The following CNTNAP2 variants were observed in gnomAD, a reference collection of about 807,000 sequenced individuals.
CNTNAP2 encodes contactin-associated protein-like 2.
Under a neutral mutation model 155.2 loss-of-function variants are expected in CNTNAP2, and 98 were observed. That is an observed-to-expected ratio of 0.63 (90% CI 0.54 to 0.75). The LOEUF (loss-of-function observed/expected upper bound fraction) is 0.75. CNTNAP2 is among the 30% of genes least tolerant of loss of function. The probability of loss-of-function intolerance (pLI) is 0.00; values close to 1 mark genes in which losing one functional copy is unlikely to be tolerated. For missense variants in CNTNAP2, 1,727 were observed against 1,688.1 expected (o/e 1.02, Z -0.40); for synonymous variants, 651 against 631.2 (o/e 1.03, Z -0.47).
chr7:147,159,158 TG>T (rs2116449930), intron 8 of CNTNAP2, among the ~76,000 whole-genome samples: 1 of 152,082 alleles, frequency 6.6e-6, no homozygotes, highest in South Asian at 2.1e-4. Context: ...CTGAAGCATG[TG>T]GGCCATAAGG....
intron 1 of CNTNAP2, among the ~76,000 whole-genome samples, chr7:146,202,710 TATA>T (rs1479189501): frequency 4.6e-5 from 7 of 152,104 alleles, no homozygotes; most frequent in Non-Finnish European, 8.8e-5. Context: ...ATAAAATATT[TATA>T]ATAATATACA....
intron 21 of CNTNAP2, among the ~76,000 whole-genome samples, chr7:148,323,493 C>T (rs1797837120): frequency 6.6e-6 from 1 of 151,374 alleles, no homozygotes; most frequent in African/African-American, 2.4e-5. Flanking sequence ...TTGCTGAACC[C>T]GTATAGAGTG....
At chr7:147,556,570 G>A (rs1281158636) in intron 11 of CNTNAP2, among the ~76,000 whole-genome samples, 1 of 152,208 alleles carries the variant, frequency 6.6e-6, no homozygotes, top group Non-Finnish European at 1.5e-5. Context: ...TTGCAGTGAT[G>A]CAGCAGGAGG....
chr7:147,375,151 G>A (rs1394475596), intron 9 of CNTNAP2, among the ~76,000 whole-genome samples: 1 of 151,954 alleles, frequency 6.6e-6, no homozygotes, highest in East Asian at 1.9e-4. Flanking sequence ...CCTCAGCCAT[G>A]TGGAACTGTA....
chr7:146,912,992 TGA>T (rs1796318084), intron 3 of CNTNAP2, among the ~76,000 whole-genome samples: 2 of 152,172 alleles, frequency 1.3e-5, no homozygotes, highest in African/African-American at 4.8e-5. Flanking sequence ...TATATGTAGA[TGA>T]TGTCTTCAGG....
intron 3 of CNTNAP2, among the ~76,000 whole-genome samples, chr7:147,043,175 C>A (rs938861276): frequency 1.3e-5 from 2 of 151,824 alleles, no homozygotes; most frequent in African/African-American, 4.8e-5. Flanking sequence ...CTTGCTCTAA[C>A]TTATGAAATA....
At chr7:147,220,123 C>T (rs1245089251) in intron 8 of CNTNAP2, among the ~76,000 whole-genome samples, 1 of 151,968 alleles carries the variant, frequency 6.6e-6, no homozygotes, top group Non-Finnish European at 1.5e-5. Flanking sequence ...TGCCTCTCAA[C>T]ACTATTGCAC....
intron 12 of CNTNAP2, among the ~76,000 whole-genome samples, chr7:147,570,812 C>G (rs1279339603): frequency 6.6e-6 from 1 of 152,140 alleles, no homozygotes; most frequent in East Asian, 1.9e-4. Context: ...TTGTAGTTAC[C>G]GTGTGTATGT....
At chr7:148,401,606 CT>C (rs34892359) in intron 22 of CNTNAP2, among the ~76,000 whole-genome samples, 6 of 148,700 alleles carry the variant, frequency 4.0e-5, no homozygotes, top group Admixed American at 6.7e-5. Context: ...TTTCTTTTTT[CT>C]TTTTTTTTTG....
intron 1 of CNTNAP2, among the ~76,000 whole-genome samples, chr7:146,517,273 T>C (rs538767471): frequency 1.3e-5 from 2 of 152,102 alleles, no homozygotes; most frequent in East Asian, 3.9e-4. Context: ...TCTTGGTATG[T>C]ATCCCCCACA....
rs926730694 is a variant in CNTNAP2 at position 147,407,132 on chromosome 7, T to C, written c.1670+11352T>C. Among the ~76,000 whole-genome samples the C allele has an allele frequency of 1.8e-4, 28 of 151,758 alleles. 1 individual carries two copies. The highest frequency in any genetic ancestry group is 6.5e-4 in the African/African-American group (27 of 41,260). On this transcript the variant is annotated intron_variant, in intron 10 of 23. Transcript: ENST00000361727. ...TTAAAACACTTCAGGCATTTGAAAATTACAAGAGAAATTTTCAAGTGGCAC... is the reference window on the plus strand; with the variant it reads ...TTAAAACACTTCAGGCATTTGAAAACTACAAGAGAAATTTTCAAGTGGCAC...
chr7:147,077,195 A>C (rs1800015737), intron 4 of CNTNAP2, among the ~76,000 whole-genome samples: 2 of 152,128 alleles, frequency 1.3e-5, no homozygotes, highest in African/African-American at 4.8e-5. Context: ...TCAGATTTTA[A>C]TCTTTTTTTT....
chr7:147,162,996 G>A (rs546156283), intron 8 of CNTNAP2, among the ~76,000 whole-genome samples: 59 of 152,212 alleles, frequency 3.9e-4, no homozygotes, highest in East Asian at 1.9e-4. Context: ...TTCTCGTGGC[G>A]ATGATAAACA....
At chr7:146,300,762 A>G (rs1221556639) in intron 1 of CNTNAP2, among the ~76,000 whole-genome samples, 1 of 152,160 alleles carries the variant, frequency 6.6e-6, no homozygotes, top group Non-Finnish European at 1.5e-5. Flanking sequence ...ATAAATCAAA[A>G]TAGGCATTAT....
At chr7:146,879,866 G>T (rs1413089502) in intron 3 of CNTNAP2, among the ~76,000 whole-genome samples, 2 of 152,000 alleles carry the variant, frequency 1.3e-5, no homozygotes, top group Non-Finnish European at 2.9e-5. Context: ...AAGTTTAATG[G>T]GCTCACAGTT....
At chr7:147,205,237 C>T (rs182140377) in intron 8 of CNTNAP2, among the ~76,000 whole-genome samples, 9 of 152,168 alleles carry the variant, frequency 5.9e-5, no homozygotes, top group Admixed American at 5.2e-4. Context: ...TCATTCCCCC[C>T]GCCACCCTCC....
intron 13 of CNTNAP2, among the ~76,000 whole-genome samples, chr7:147,705,721 ATCCAGGTGT>A (rs1250258822): frequency 6.6e-6 from 1 of 152,174 alleles, no homozygotes; most frequent in Admixed American, 6.5e-5. Flanking sequence ...TACTTTCTAT[ATCCAGGTGT>A]TCCAGTGTTA....
intron 1 of CNTNAP2, among the ~76,000 whole-genome samples, chr7:146,158,347 G>A (rs972578015): frequency 2.6e-5 from 4 of 152,182 alleles, no homozygotes; most frequent in Non-Finnish European, 5.9e-5. Context: ...CCAAAGGAAC[G>A]CAGCTCCTTG....
intron 4 of CNTNAP2, among the ~76,000 whole-genome samples, chr7:147,050,980 G>A (rs371201300): frequency 6.6e-6 from 1 of 151,774 alleles, no homozygotes; most frequent in African/African-American, 2.4e-5. Context: ...CTTCGCTTTT[G>A]TCTGTGTCTC....
Sources: allele counts gnomAD v4.1 joint callset (sites outside exome capture counted in the v4.1 genomes callset), GRCh38; gene constraint gnomAD v4.1.1; transcripts MANE v1.5; gene names NCBI Gene and HGNC (gene_info 2026-07-23, HGNC 2026-07-21).